Variants in CACNA1B observed in about 807,000 individuals in gnomAD.
CACNA1B encodes voltage-dependent N-type calcium channel subunit alpha-1B.
A neutral mutation model predicts 247.2 loss-of-function variants in CACNA1B; 70 were observed. The observed-to-expected ratio is 0.28, with a 90% CI of 0.23 to 0.35. The LOEUF is 0.35. Among genes scored for constraint, CACNA1B ranks in the 10% least tolerant of loss-of-function variants. CACNA1B has a pLI of 1.00. For missense variants in CACNA1B, 2,367 were observed against 3,197.4 expected, an observed-to-expected ratio of 0.74 and a Z score of 6.26; for synonymous variants, 1,231 against 1,294.4, an observed-to-expected ratio of 0.95 and a Z score of 1.05.
intron 21 of CACNA1B, 63 bp from the exon 22 acceptor site, chr9:138,046,841 C>T: frequency 1.3e-6 from 2 of 1,554,344 alleles, no homozygotes; most frequent in Admixed American, 1.7e-5. Flanking sequence ...TGAGCCTGCC[C>T]TGTGGCAAGG....
At chr9:137,967,862 C>T (rs1285433083) in intron 10 of CACNA1B, among the ~76,000 whole-genome samples, 1 of 152,180 alleles carries the variant, frequency 6.6e-6, no homozygotes, top group African/African-American at 2.4e-5. Flanking sequence ...TTCTTGATCT[C>T]CTGCATCTGG....
At chr9:138,101,748 G>A (rs1434486969) in intron 37 of CACNA1B, among the ~76,000 whole-genome samples, 2 of 152,350 alleles carry the variant, frequency 1.3e-5, no homozygotes, top group Non-Finnish European at 2.9e-5. Flanking sequence ...GTCTGGAACC[G>A]TGGGAGGAGG....
intron 6 of CACNA1B, among the ~76,000 whole-genome samples, chr9:137,922,253 C>T (rs1158707721): frequency 7.1e-6 from 1 of 140,098 alleles, no homozygotes. Flanking sequence ...CAGAGTAAAG[C>T]GTTCGGAGAA....
intron 12 of CACNA1B, among the ~76,000 whole-genome samples, chr9:137,983,334 G>T (rs866774833): frequency 3.9e-5 from 6 of 152,206 alleles, no homozygotes; most frequent in Non-Finnish European, 7.3e-5. Context: ...GCCTGGGAGA[G>T]AATTCAGTTT....
chr9:138,023,190 C>A lies in CACNA1B; in HGVS notation c.2447C>A (p.Pro816Gln). 3 of 1,520,474 alleles carry A rather than the reference C, an allele frequency of 2.0e-6. No homozygotes were observed. Among genetic ancestry groups the A allele is most frequent in the Non-Finnish European group, 2.6e-6 (3 of 1,142,014 alleles). The allele number at this position is 1,520,474 out of a possible 1,614,324, so 94.2% of individuals were successfully genotyped here. Reference protein sequence around the residue: ...RPDMKTHLDRPLVVELGRDGA... With the variant: ...RPDMKTHLDRQLVVELGRDGA... The stretch of plus-strand genomic sequence containing the variant: ...GACATGAAGACGCACCTGGACCGGC[C>A]GCTGGTGGTGGAGCTGGGCCGCGAC... The change falls in exon 19 of 47, where the codon CCG (proline) becomes CAG (glutamine). Residue 816 changes from proline (P) to glutamine (Q), a missense_variant. Physicochemically the swap from Pro to Gln is moderately conservative, Grantham distance 76. Around this residue, in one of 12 missense-constraint regions of CACNA1B, gnomAD observed 631 missense variants for 631.1 expected, o/e 1.00. Coordinates refer to ENST00000371372, the MANE Select transcript of CACNA1B (RefSeq NM_000718.4).
At chr9:138,075,012 A>G (rs1310656897) in intron 34 of CACNA1B, among the ~76,000 whole-genome samples, 2 of 152,198 alleles carry the variant, frequency 1.3e-5, no homozygotes, top group Non-Finnish European at 2.9e-5. Flanking sequence ...TATTTGGGAA[A>G]AAGCATTTAA....
chr9:138,020,181 G>A lies in CACNA1B; in HGVS notation c.2268-2830G>A, dbSNP rs1432933125. On this transcript the variant is annotated intron_variant, in intron 18 of 46. Coordinates refer to ENST00000371372, the MANE Select transcript of CACNA1B (RefSeq NM_000718.4). The surrounding 1 kb of genome is among the most constrained non-coding windows in gnomAD (Gnocchi z 4.1). ...TGCTTCATATTGTCAGCAGTTCCGG[G>A]TTGTCTGAGCCCAGAGACCTCAAAG... Among the ~76,000 whole-genome samples, 2 of 151,664 alleles carry A rather than the reference G, an allele frequency of 1.3e-5. No homozygotes were observed. Among genetic ancestry groups the A allele is most frequent in the Non-Finnish European group, 2.9e-5 (2 of 67,998 alleles).
chr9:138,044,228 C>G (rs72769078), intron 21 of CACNA1B, among the ~76,000 whole-genome samples: 2 of 152,366 alleles, frequency 1.3e-5, no homozygotes, highest in African/African-American at 4.8e-5. Flanking sequence ...TCCCATCACA[C>G]CTGGCACCTG....
chr9:137,984,782 G>T (rs1391185422), intron 13 of CACNA1B, among the ~76,000 whole-genome samples: 3 of 152,198 alleles, frequency 2.0e-5, no homozygotes, highest in African/African-American at 7.2e-5. Context: ...GCAGTGACAA[G>T]ACCATGTTTA....
At chr9:138,077,133 C>T (rs868234027) in intron 35 of CACNA1B, among the ~76,000 whole-genome samples, 4 of 152,196 alleles carry the variant, frequency 2.6e-5, no homozygotes, top group Non-Finnish European at 4.4e-5. Context: ...ATCAGTCAGG[C>T]CCAGCACAGG....
At chr9:138,079,742 CAAAA>C (rs141292393) in intron 36 of CACNA1B, among the ~76,000 whole-genome samples, 2 of 41,828 alleles carry the variant, frequency 4.8e-5, no homozygotes, top group African/African-American at 8.3e-5. Context: ...GACTCCATCT[CAAAA>C]AAAAAAAAAA....
rs1564302229 is a variant in CACNA1B at position 138,123,792 on chromosome 9, G to A, written c.*1793G>A. On this transcript the variant is annotated 3_prime_UTR_variant, in exon 47 of 47. Transcript: ENST00000371372. ...AGGCACAACACTCTGAAACTTTAAA[G>A]ATAACAGAGTATTTTATTCCAATAG... 1.3e-5 allele frequency: 2 copies of A among 152,192 alleles called. No individual in the cohort carries two copies. Among genetic ancestry groups the A allele is most frequent in the Non-Finnish European group, 2.9e-5 (2 of 68,036 alleles). The allele number at this position is 152,192 out of a possible 1,614,324, so 9.4% of individuals were successfully genotyped here.
Position 137,881,030 on chromosome 9 carries a change from G to T in CACNA1B, c.391-1714G>T, listed in dbSNP as rs1956910199. Reference sequence around the variant, plus strand: ...GGGCTGGGCAGGGCAGAGCTGTGAGGAGAGGGCTCGGGCTGGGGGCTCCTT... The same window carrying T: ...GGGCTGGGCAGGGCAGAGCTGTGAGTAGAGGGCTCGGGCTGGGGGCTCCTT... On this transcript the variant is annotated intron_variant, in intron 2 of 46. Coordinates refer to ENST00000371372, the MANE Select transcript of CACNA1B (RefSeq NM_000718.4). The surrounding 1 kb of genome is among the most constrained non-coding windows in gnomAD (Gnocchi z 4.3). 6.6e-6 allele frequency among the ~76,000 whole-genome samples: 1 copy of T among 152,244 alleles called. No homozygotes were observed. The highest frequency in any genetic ancestry group is 1.5e-5 in the Non-Finnish European group (1 of 68,030).
At chr9:137,956,748 C>T (rs190167060) in intron 8 of CACNA1B, 23 bp from the exon 9 acceptor site, 1 of 1,612,308 alleles carries the variant, frequency 6.2e-7, no homozygotes, top group East Asian at 2.2e-5. Context: ...GGGCTCTGAC[C>T]TGAGGCTGTG....
Position 138,023,718 on chromosome 9 carries a change from T to C in CACNA1B, c.2975T>C (p.Val992Ala). 1 of 1,544,882 alleles carries C rather than the reference T, an allele frequency of 6.5e-7. No homozygotes were observed. Among genetic ancestry groups the C allele is most frequent in the Non-Finnish European group, 8.7e-7 (1 of 1,144,314 alleles). ...AAGGCGCAGCCTGCTCACGAGGCTG[T>C]GGAGAAGGAGACCACGGAGAAGGAG... ...RHKAQPAHEA[V>A]EKETTEKEAT... Residue 992 changes from valine to alanine, a missense_variant, in exon 19 of 47, where the codon GTG becomes GCG. This residue lies in a region of CACNA1B where 631 missense variants were observed against 631.1 expected (regional missense o/e 1.00). Coordinates refer to ENST00000371372, the MANE Select transcript of CACNA1B (RefSeq NM_000718.4).
chr9:138,043,910 C>T lies in CACNA1B; in HGVS notation c.3413+10C>T. ...TAAGCCCCACCAACCTGTGAGTCTCCTTGCCTGCTGGTGTGTGTGGCCGCC... is the reference window on the plus strand; with the variant it reads ...TAAGCCCCACCAACCTGTGAGTCTCTTTGCCTGCTGGTGTGTGTGGCCGCC... On this transcript the variant is annotated intron_variant, in intron 21 of 46. Coordinates refer to ENST00000371372, the MANE Select transcript of CACNA1B (RefSeq NM_000718.4). 2 of 1,612,202 alleles carry T rather than the reference C, an allele frequency of 1.2e-6. No individual in the cohort carries two copies. Among genetic ancestry groups the T allele is most frequent in the African/African-American group, 1.3e-5 (1 of 75,026 alleles).
Position 138,121,639 on chromosome 9 carries a change from C to A in CACNA1B, c.6660C>A (p.Leu2220=). The change falls in exon 47 of 47, where the codon CTC becomes CTA. Residue 2220 remains leucine, a synonymous_variant. Coordinates refer to ENST00000371372, the MANE Select transcript of CACNA1B (RefSeq NM_000718.4). This position sits in a 1 kb window ranked among gnomAD's most constrained non-coding sequence, Gnocchi z 6.8. ...ACTTCGCCGGGGCTCAGACCAGCCT[C>A]CCTGCCTTCTCCCCAGGCCGGCTCA... ...PIHFAGAQTS[L]PAFSPGRLSR... 6.2e-7 allele frequency: 1 copy of A among 1,613,176 alleles called. No homozygotes were observed. The highest frequency in any genetic ancestry group is 2.2e-5 in the East Asian group (1 of 44,836).
At chr9:137,999,174 A>G (rs758085127) in intron 15 of CACNA1B, among the ~76,000 whole-genome samples, 1 of 152,044 alleles carries the variant, frequency 6.6e-6, no homozygotes, top group Non-Finnish European at 1.5e-5. Flanking sequence ...AAATTTAGCC[A>G]GGTGTGGTGG....
At chr9:137,920,886 C>T (rs546548074) in intron 6 of CACNA1B, among the ~76,000 whole-genome samples, 121 of 152,226 alleles carry the variant, frequency 7.9e-4, no homozygotes, top group Admixed American at 1.5e-3. Flanking sequence ...AAGGGAGAAT[C>T]GGGAGACACG....
Sources: gnomAD v4.1 joint callset for allele counts (sites outside exome capture counted in the v4.1 genomes callset) on GRCh38, gnomAD v4.1.1 for gene constraint, gnomAD v4.1.1 regional missense constraint, Gnocchi (gnomAD v3.1) non-coding constraint, MANE v1.5 for transcripts, NCBI Gene and HGNC (gene_info 2026-07-23, HGNC 2026-07-21) for gene names.